Variants in NEXMIF observed in about 807,000 individuals in gnomAD.
The protein encoded by NEXMIF is neurite extension and migration factor.
A neutral mutation model predicts 62.1 loss-of-function variants in NEXMIF; 8 were observed. The observed-to-expected ratio is 0.13, with a 90% CI of 0.08 to 0.23. The LOEUF is 0.23. NEXMIF is among the 10% of genes least tolerant of loss of function. NEXMIF has a pLI of 1.00. For missense variants in NEXMIF, 976 were observed against 1,113.3 expected (o/e 0.88, Z 1.75); for synonymous variants, 404 against 416.6 (o/e 0.97, Z 0.37).
chrX:74,797,804 C>G (rs1289337902), intron 1 of NEXMIF, among the ~76,000 whole-genome samples: 4 of 111,865 alleles, frequency 3.6e-5, no homozygotes, highest in Non-Finnish European at 5.6e-5. Flanking sequence ...ACAAAACCAG[C>G]TGCTTTACCA....
intron 1 of NEXMIF, among the ~76,000 whole-genome samples, chrX:74,791,151 A>T (rs930742196): frequency 1.2e-4 from 13 of 111,101 alleles, no homozygotes; most frequent in African/African-American, 4.3e-4. Flanking sequence ...AATACGTCCC[A>T]TCAATACCTA....
intron 1 of NEXMIF, among the ~76,000 whole-genome samples, chrX:74,748,878 G>A (rs2080133575): frequency 8.9e-6 from 1 of 111,814 alleles, no homozygotes; most frequent in Non-Finnish European, 1.9e-5. Context: ...AGGCAAGAAA[G>A]TAAGTCCTGT....
intron 1 of NEXMIF, among the ~76,000 whole-genome samples, chrX:74,838,454 T>G (rs953495437): frequency 8.9e-6 from 1 of 112,554 alleles, no homozygotes; most frequent in South Asian, 3.6e-4. Flanking sequence ...TAAATCAGGT[T>G]TTTAAAGCAT....
chrX:74,748,704 T>A (rs182084478), intron 1 of NEXMIF, among the ~76,000 whole-genome samples: 5 of 111,893 alleles, frequency 4.5e-5, no homozygotes, highest in African/African-American at 1.6e-4. Flanking sequence ...ATCCCTCCTA[T>A]CTGCCCTTCC....
At chrX:74,789,483 T>C (rs2080271693) in intron 1 of NEXMIF, among the ~76,000 whole-genome samples, 1 of 110,812 alleles carries the variant, frequency 9.0e-6, no homozygotes, top group Admixed American at 9.7e-5. Flanking sequence ...CCTTTGGGTA[T>C]ATATCCAGTA....
Position 74,741,186 on chromosome X carries a change from T to A in NEXMIF, c.3371A>T (p.Gln1124Leu), listed in dbSNP as rs992677972. ...ATTTAAAGTAAATCCATCCTCCATT[T>A]GGACCTGCCGTGAAAGGGTACTGCA... ...WDCSTLSRQVQMEDGFTLNNH... is the reference protein window; with the variant it reads ...WDCSTLSRQVLMEDGFTLNNH... Residue 1124 changes from glutamine to leucine, a missense_variant, in exon 3 of 4, where the codon CAA (glutamine) becomes CTA (leucine). By Grantham distance (113) the Gln-to-Leu change is moderately radical. Coordinates refer to ENST00000055682, the MANE Select transcript of NEXMIF (RefSeq NM_001008537.3). 1.5e-5 allele frequency: 18 copies of A among 1,211,600 alleles called. No homozygotes were observed. The highest frequency in any genetic ancestry group is 2.0e-5 in the Non-Finnish European group (18 of 895,416).
At chrX:74,786,626 C>T (rs2080260888) in intron 1 of NEXMIF, among the ~76,000 whole-genome samples, 1 of 111,478 alleles carries the variant, frequency 9.0e-6, no homozygotes, top group African/African-American at 3.3e-5. Context: ...CCAGCACATT[C>T]CCCCACACAC....
rs1159680987 is a variant in NEXMIF at position 74,742,163 on chromosome X, T to A, written c.2394A>T (p.Leu798Phe). The change falls in exon 3 of 4, where the codon TTA becomes TTT. Residue 798 changes from leucine to phenylalanine, a missense_variant. This residue lies in a region of NEXMIF where 639 missense variants were observed against 694.5 expected (regional missense o/e 0.92). Coordinates refer to ENST00000055682, the MANE Select transcript of NEXMIF (RefSeq NM_001008537.3). ...LPTTCSSEMP[L>F]SSANVTTNIP... ...TATTAGTGGTAACATTAGCAGATGA[T>A]AAAGGCATTTCAGAAGAGCATGTCG... The A allele has an allele frequency of 8.3e-7, 1 of 1,211,763 alleles. No individual in the cohort carries two copies.
chrX:74,794,544 C>T (rs1428115237), intron 1 of NEXMIF, among the ~76,000 whole-genome samples: 1 of 112,538 alleles, frequency 8.9e-6, no homozygotes, highest in Non-Finnish European at 1.9e-5. Flanking sequence ...CCTTATCAAG[C>T]CTGGGCAATG....
chrX:74,741,248 T>A lies in NEXMIF; in HGVS notation c.3309A>T (p.Pro1103=). 8.3e-7 allele frequency: 1 copy of A among 1,211,555 alleles called. No individual in the cohort carries two copies. The highest frequency in any genetic ancestry group is 1.1e-6 in the Non-Finnish European group (1 of 895,273). The change falls in exon 3 of 4, where the codon CCA becomes CCT. Residue 1103 remains proline (P), a synonymous_variant. Coordinates refer to ENST00000055682, the MANE Select transcript of NEXMIF (RefSeq NM_001008537.3). The part of the protein sequence containing the change: ...GTLKGFQEGV[P]GPLDSVEKIK... ...TTTTTTCCACACTGTCCAATGGTCC[T>A]GGGACACCCTCTTGGAACCCCTTTA...
chrX:74,839,608 CTTT>C (rs1345992637), intron 1 of NEXMIF, among the ~76,000 whole-genome samples: 1 of 111,530 alleles, frequency 9.0e-6, no homozygotes, highest in African/African-American at 3.3e-5. Context: ...TTGTTTCCTT[CTTT>C]GTGTTCATAA....
At chrX:74,853,407 C>T (rs914628306) in intron 1 of NEXMIF, among the ~76,000 whole-genome samples, 2 of 107,717 alleles carry the variant, frequency 1.9e-5, no homozygotes, top group Admixed American at 1.0e-4. Context: ...GGCCATGATG[C>T]CTGTACACAC....
At chrX:74,875,191 T>C (rs1187550802) in intron 1 of NEXMIF, among the ~76,000 whole-genome samples, 1 of 110,542 alleles carries the variant, frequency 9.0e-6, no homozygotes, top group Admixed American at 9.7e-5. Context: ...TTATTGAGAG[T>C]TTTTAGCATG....
At chrX:74,827,067 T>C (rs1008401082) in intron 1 of NEXMIF, among the ~76,000 whole-genome samples, 13 of 112,432 alleles carry the variant, frequency 1.2e-4, no homozygotes, top group Non-Finnish European at 2.4e-4. Flanking sequence ...TTATAAGTAA[T>C]CACTTTTACA....
intron 1 of NEXMIF, among the ~76,000 whole-genome samples, chrX:74,904,148 C>A: frequency 9.0e-6 from 1 of 110,994 alleles, no homozygotes; most frequent in South Asian, 3.9e-4. Context: ...AAGGGCAACA[C>A]TTGCCCTTGC....
At chrX:74,898,335 G>A (rs1311939056) in intron 1 of NEXMIF, among the ~76,000 whole-genome samples, 1 of 111,309 alleles carries the variant, frequency 9.0e-6, no homozygotes, top group Non-Finnish European at 1.9e-5. Flanking sequence ...AACATCAGGT[G>A]AATCCCAATT....
chrX:74,796,138 A>G (rs1477658842), intron 1 of NEXMIF, among the ~76,000 whole-genome samples: 1 of 76,341 alleles, frequency 1.3e-5, no homozygotes, highest in African/African-American at 5.2e-5. Context: ...TATATAATAT[A>G]TATATTATAT....
chrX:74,832,989 T>C, intron 1 of NEXMIF, among the ~76,000 whole-genome samples: 1 of 106,003 alleles, frequency 9.4e-6, no homozygotes, highest in Middle Eastern at 4.7e-3. Context: ...TGCTTGACAT[T>C]ATTTTAATTT....
chrX:74,813,117 C>G (rs1254637778), intron 1 of NEXMIF, among the ~76,000 whole-genome samples: 1 of 111,652 alleles, frequency 9.0e-6, no homozygotes, highest in Non-Finnish European at 1.9e-5. Flanking sequence ...GGTGAGAAAA[C>G]ACTTGGAAAA....
Sources: gnomAD v4.1 joint callset for allele counts (sites outside exome capture counted in the v4.1 genomes callset) on GRCh38, gnomAD v4.1.1 for gene constraint, gnomAD v4.1.1 regional missense constraint, MANE v1.5 for transcripts, NCBI Gene and HGNC (gene_info 2026-07-23, HGNC 2026-07-21) for gene names.